KCNB2: variants seen among roughly 807,000 people sequenced by gnomAD.
KCNB2 encodes potassium voltage-gated channel subfamily B member 2.
KCNB2 carries 15 observed loss-of-function variants against 61.5 expected under a neutral mutation model. That is an observed-to-expected ratio of 0.24 (90% CI 0.16 to 0.38). KCNB2 has a LOEUF of 0.38. Among genes scored for constraint, KCNB2 ranks in the 10% least tolerant of loss-of-function variants. KCNB2 has a pLI of 1.00. For missense variants in KCNB2, 828 were observed against 1,125.2 expected (o/e 0.74, Z 3.78); for synonymous variants, 457 against 446.0 (o/e 1.02, Z -0.31).
chr8:72,936,186 C>T lies in KCNB2; in HGVS notation c.831C>T (p.Tyr277=). ...TTGATTTGCTGGCCATCTTGCCGTA[C>T]TATGTCACCATTTTTCTGACGGAGT... ...NVIDLLAILP[Y]YVTIFLTESN... is the part of the protein sequence containing the mutation. The change falls in exon 3 of 3, where the codon TAC becomes TAT. Residue 277 remains tyrosine (Y), a synonymous_variant. Transcript: ENST00000523207. The surrounding 1 kb of genome is among the most constrained non-coding windows in gnomAD (Gnocchi z 5.6). The T allele has an allele frequency of 6.2e-7, 1 of 1,614,208 alleles. No homozygotes were observed. Among genetic ancestry groups the T allele is most frequent in the Non-Finnish European group, 8.5e-7 (1 of 1,180,034 alleles).
chr8:72,777,706 C>T (rs1808678958), intron 2 of KCNB2, among the ~76,000 whole-genome samples: 1 of 152,074 alleles, frequency 6.6e-6, no homozygotes, highest in Non-Finnish European at 1.5e-5. Flanking sequence ...GCTTAAAATA[C>T]CTAATTTACT....
chr8:72,744,646 A>T (rs1359922349), intron 2 of KCNB2, among the ~76,000 whole-genome samples: 1 of 152,110 alleles, frequency 6.6e-6, no homozygotes, highest in Non-Finnish European at 1.5e-5. Context: ...CCCTCTGGAT[A>T]CCTCTGGAAG....
chr8:72,614,406 C>A (rs182505485), intron 2 of KCNB2, among the ~76,000 whole-genome samples: 3 of 152,296 alleles, frequency 2.0e-5, no homozygotes, highest in Admixed American at 2.0e-4. Flanking sequence ...TAGCTCTACT[C>A]TAATAGCCCT....
intron 1 of KCNB2, among the ~76,000 whole-genome samples, chr8:72,542,043 T>A (rs1458657880): frequency 6.6e-6 from 1 of 152,144 alleles, no homozygotes; most frequent in East Asian, 1.9e-4. Flanking sequence ...ACTAGTATAG[T>A]CTCTAGAATG....
intron 2 of KCNB2, chr8:72,750,234 T>C (rs1039173172): frequency 6.6e-6 from 1 of 152,176 alleles, no homozygotes; most frequent in Non-Finnish European, 1.5e-5. Flanking sequence ...ATTCATTTTT[T>C]CCTATTGTAC....
intron 2 of KCNB2, among the ~76,000 whole-genome samples, chr8:72,597,797 C>G (rs1010054448): frequency 5.9e-5 from 9 of 152,030 alleles, no homozygotes; most frequent in Non-Finnish European, 1.3e-4. Context: ...GCCAGGAAGT[C>G]CCAACCCAAA....
intron 2 of KCNB2, among the ~76,000 whole-genome samples, chr8:72,808,379 A>G (rs532659094): frequency 5.4e-4 from 83 of 152,334 alleles, no homozygotes; most frequent in African/African-American, 1.9e-3. Context: ...CAACATACGA[A>G]TGAACTACTA....
intron 2 of KCNB2, among the ~76,000 whole-genome samples, chr8:72,685,591 G>T (rs890401376): frequency 1.3e-5 from 2 of 152,158 alleles, no homozygotes; most frequent in Admixed American, 1.3e-4. Context: ...AAATGTAGGG[G>T]TCAAAGAAGG....
chr8:72,641,413 CTA>C (rs1369834957), intron 2 of KCNB2, among the ~76,000 whole-genome samples: 3 of 152,002 alleles, frequency 2.0e-5, no homozygotes, highest in African/African-American at 7.2e-5. Context: ...CTGTGTGTTT[CTA>C]TGTTAGGCAA....
intron 2 of KCNB2, among the ~76,000 whole-genome samples, chr8:72,756,984 A>G (rs1299666654): frequency 6.6e-6 from 1 of 152,220 alleles, no homozygotes; most frequent in Non-Finnish European, 1.5e-5. Context: ...TCAGATGCTC[A>G]GAGGAGAGTT....
rs189469438 is a variant in KCNB2 at position 72,849,775 on chromosome 8, G to A, written c.580-86160G>A. Among the ~76,000 whole-genome samples the A allele has an allele frequency of 2.2e-3, 339 of 152,280 alleles. 1 individual carries two copies. The highest frequency in any genetic ancestry group is 7.8e-3 in the African/African-American group (322 of 41,544). On this transcript the variant is annotated intron_variant, in intron 2 of 2. Coordinates refer to ENST00000523207, the MANE Select transcript of KCNB2 (RefSeq NM_004770.3). ...TTTCAGTCATTCTTCAACAGTGCAAGGTATCTGTGTCATCCTATTATCATT... is the reference window on the plus strand; with the variant it reads ...TTTCAGTCATTCTTCAACAGTGCAAAGTATCTGTGTCATCCTATTATCATT...
chr8:72,627,929 T>C (rs2128984711), intron 2 of KCNB2, among the ~76,000 whole-genome samples: 1 of 152,288 alleles, frequency 6.6e-6, no homozygotes, highest in African/African-American at 2.4e-5. Flanking sequence ...AAAAAAAATG[T>C]TTCCCTGATG....
chr8:72,633,672 G>GCTA (rs1805917288), intron 2 of KCNB2, among the ~76,000 whole-genome samples: 1 of 152,066 alleles, frequency 6.6e-6, no homozygotes, highest in Non-Finnish European at 1.5e-5. Context: ...ACTAGCCTTT[G>GCTA]GTAGTCTCTT....
chr8:72,861,608 G>A (rs1230888174), intron 2 of KCNB2, among the ~76,000 whole-genome samples: 3 of 152,164 alleles, frequency 2.0e-5, no homozygotes, highest in Admixed American at 6.5e-5. Flanking sequence ...TTTTGGCATT[G>A]ACCCTTCCTG....
intron 2 of KCNB2, among the ~76,000 whole-genome samples, chr8:72,642,971 C>G: frequency 6.6e-6 from 1 of 152,128 alleles, no homozygotes; most frequent in East Asian, 1.9e-4. Context: ...TTTTAACTTT[C>G]AGATAGATAG....
Position 72,715,231 on chromosome 8 carries a change from T to C in KCNB2, c.579+146918T>C, listed in dbSNP as rs951240438. ...ATAATGGGAGACTTTAATACCCCAC[T>C]GTCAACATTACACAGATCAACGAGA... is the stretch of plus-strand genomic sequence containing the variant. On this transcript the variant is annotated intron_variant, in intron 2 of 2. Coordinates refer to ENST00000523207, the MANE Select transcript of KCNB2 (RefSeq NM_004770.3). Among the ~76,000 whole-genome samples the C allele has an allele frequency of 6.6e-5, 10 of 152,294 alleles. No homozygotes were observed. In the South Asian group the frequency reaches 1.7e-3, roughly 25 times the overall value.
chr8:72,928,681 GACACACAC>G (rs10606839), intron 2 of KCNB2, among the ~76,000 whole-genome samples: 356 of 143,706 alleles, frequency 2.5e-3, no homozygotes, highest in African/African-American at 7.5e-3. Context: ...CACACACACA[GACACACAC>G]ACACACACAC....
At chr8:72,755,046 T>C (rs1001701038) in intron 2 of KCNB2, among the ~76,000 whole-genome samples, 1 of 152,168 alleles carries the variant, frequency 6.6e-6, no homozygotes, top group Non-Finnish European at 1.5e-5. Flanking sequence ...GGGAACGGCA[T>C]TTTTCCTCTG....
intron 2 of KCNB2, chr8:72,732,106 A>C (rs1408871973): frequency 6.6e-6 from 1 of 152,232 alleles, no homozygotes; most frequent in East Asian, 1.9e-4. Flanking sequence ...TATCTGGTAC[A>C]GGGTGTTTTG....
Sources: gnomAD v4.1 joint callset for allele counts (sites outside exome capture counted in the v4.1 genomes callset) on GRCh38, gnomAD v4.1.1 for gene constraint, Gnocchi (gnomAD v3.1) non-coding constraint, MANE v1.5 for transcripts, NCBI Gene and HGNC (gene_info 2026-07-23, HGNC 2026-07-21) for gene names.